MAPKAPK2: variants seen among roughly 807,000 people sequenced by gnomAD.
The protein encoded by MAPKAPK2 is MAPK activated protein kinase 2, also known as MAP kinase-activated protein kinase 2.
MAPKAPK2 carries 9 observed loss-of-function variants against 48.8 expected under a neutral mutation model. The observed-to-expected ratio is 0.18, with a 90% CI of 0.11 to 0.32. MAPKAPK2 has a LOEUF of 0.32. Among genes scored for constraint, MAPKAPK2 ranks in the 10% least tolerant of loss-of-function variants. The pLI, the probability that MAPKAPK2 is intolerant of heterozygous loss-of-function variation, is 1.00. For synonymous variants in MAPKAPK2, 202 were observed against 190.6 expected (o/e 1.06, Z -0.49); for missense variants, 331 against 498.3 (o/e 0.66, Z 3.20).
Position 206,701,830 on chromosome 1 carries a change from C to CAAAAAA in MAPKAPK2, c.279+16322_279+16323insAAAAAA, listed in dbSNP as rs1553427942. 2.4e-4 allele frequency among the ~76,000 whole-genome samples: 19 copies of CAAAAAA among 80,228 alleles called. 2 individuals carry two copies. The highest frequency in any genetic ancestry group is 3.5e-4 in the Non-Finnish European group (14 of 40,562). 52.6% of individuals were successfully genotyped at this position (80,228 alleles called of 152,430 possible). A position where few individuals can be genotyped will look rare whatever the true frequency, so the allele number is the denominator to read the frequency against. ...TGGGCAACAGAATGAGACCCTGTCT[C>CAAAAAA]TAAAAAAAAAAAAAAAAAAAAAAAA... On this transcript the variant is annotated intron_variant, in intron 1 of 9. Transcript: ENST00000367103.
chr1:206,692,644 A>G (rs184751034), intron 1 of MAPKAPK2, among the ~76,000 whole-genome samples: 1 of 152,362 alleles, frequency 6.6e-6, no homozygotes, highest in East Asian at 1.9e-4. Flanking sequence ...GTGTGCCAGA[A>G]TGAGCTGGGA....
intron 1 of MAPKAPK2, among the ~76,000 whole-genome samples, chr1:206,692,786 C>T (rs1256961380): frequency 3.9e-5 from 6 of 152,212 alleles, no homozygotes; most frequent in South Asian, 2.1e-4. Flanking sequence ...TCTTGAGGGA[C>T]GTTTCCAAGC....
chr1:206,694,413 T>C (rs1309980894), intron 1 of MAPKAPK2, among the ~76,000 whole-genome samples: 20 of 152,358 alleles, frequency 1.3e-4, no homozygotes, highest in Admixed American at 1.1e-3. Context: ...CCAAGGCCCA[T>C]TGGCCTGTGC....
At position 206,702,850 on chromosome 1, in the gene MAPKAPK2, C is replaced by G. The variant is rs569589963; in HGVS notation, c.279+17342C>G. ...CTTGGATCTTACATTTGCTTATCTT[C>G]AGTTTTTTCTGGTAGAACTGTATTT... On this transcript the variant is annotated intron_variant, in intron 1 of 9. Transcript: ENST00000367103. 1.1e-4 allele frequency among the ~76,000 whole-genome samples: 17 copies of G among 152,312 alleles called. No homozygotes were observed. The South Asian group carries it at 3.1e-3, about 28-fold the overall frequency.
Position 206,728,859 on chromosome 1 carries a change from C to T in MAPKAPK2, c.419+10C>T. The T allele has an allele frequency of 6.2e-7, 1 of 1,613,810 alleles. No individual in the cohort carries two copies. Among genetic ancestry groups the T allele is most frequent in the Admixed American group, 1.7e-5 (1 of 59,982 alleles). On this transcript the variant is annotated intron_variant, in intron 2 of 9. Coordinates refer to ENST00000367103, the MANE Select transcript of MAPKAPK2 (RefSeq NM_032960.4). Reference sequence around the variant, plus strand: ...TGATTGTCATGGAATGGTAAGCAGCCACTGTTCTAGTCCCGGCCCAGCCTG... The same window carrying T: ...TGATTGTCATGGAATGGTAAGCAGCTACTGTTCTAGTCCCGGCCCAGCCTG...
chr1:206,712,962 TCA>T (rs58379967), intron 1 of MAPKAPK2, among the ~76,000 whole-genome samples: 2,562 of 112,264 alleles, frequency 0.023, 38 homozygotes, highest in Non-Finnish European at 0.025. Context: ...TGAGACTCCA[TCA>T]CACACACACA....
At chr1:206,691,504 T>TATATATATATATATATATATATAC (rs1424297313) in intron 1 of MAPKAPK2, among the ~76,000 whole-genome samples, 2,871 of 110,910 alleles carry the variant, frequency 0.026, 164 homozygotes, top group Non-Finnish European at 0.041. Flanking sequence ...TATATATATA[T>TATATATATATATATATATATATAC]ACACACATAC....
At position 206,697,008 on chromosome 1, in the gene MAPKAPK2, G is replaced by C. The variant is rs572164233; in HGVS notation, c.279+11500G>C. On this transcript the variant is annotated intron_variant, in intron 1 of 9. Transcript: ENST00000367103. Reference sequence around the variant, plus strand: ...TTCCCTCTACCCACTTGGATCTGCTGACTCAAGCAGGCACCTTCTATTTCT... The same window carrying C: ...TTCCCTCTACCCACTTGGATCTGCTCACTCAAGCAGGCACCTTCTATTTCT... Among the ~76,000 whole-genome samples the C allele has an allele frequency of 5.3e-5, 8 of 152,288 alleles. 1 individual carries two copies. Among genetic ancestry groups the C allele is most frequent in the African/African-American group, 1.9e-4 (8 of 41,550 alleles).
Position 206,696,252 on chromosome 1 carries a change from C to T in MAPKAPK2, c.279+10744C>T, listed in dbSNP as rs912707410. Reference sequence around the variant, plus strand: ...TGACCTGTTCTTCCTTCTTTTCCTTCCCCTTTCAAGGTGCCATTTCTGCAT... The same window carrying T: ...TGACCTGTTCTTCCTTCTTTTCCTTTCCCTTTCAAGGTGCCATTTCTGCAT... On this transcript the variant is annotated intron_variant, in intron 1 of 9. Coordinates refer to ENST00000367103, the MANE Select transcript of MAPKAPK2 (RefSeq NM_032960.4). The T allele has an allele frequency of 1.3e-5, 18 of 1,371,352 alleles. No homozygotes were observed. In the East Asian group the frequency reaches 2.3e-4, roughly 17 times the overall value. The allele number at this position is 1,371,352 out of a possible 1,614,324, so 84.9% of individuals were successfully genotyped here.
chr1:206,691,376 C>T (rs367651746), intron 1 of MAPKAPK2, among the ~76,000 whole-genome samples: 211 of 151,454 alleles, frequency 1.4e-3, no homozygotes, highest in African/African-American at 4.7e-3. Context: ...AGAGAAGGGG[C>T]CATGTCACTG....
chr1:206,722,347 G>A (rs1166463265), intron 1 of MAPKAPK2, among the ~76,000 whole-genome samples: 2 of 151,892 alleles, frequency 1.3e-5, no homozygotes, highest in African/African-American at 2.4e-5. Flanking sequence ...GCAACAGGGC[G>A]AGACTCTGTC....
chr1:206,693,026 C>T (rs1035969400), intron 1 of MAPKAPK2, among the ~76,000 whole-genome samples: 12 of 152,208 alleles, frequency 7.9e-5, no homozygotes, highest in Non-Finnish European at 1.3e-4. Context: ...AGGAGATCTA[C>T]TGACTGTCCC....
intron 1 of MAPKAPK2, among the ~76,000 whole-genome samples, chr1:206,693,387 G>A (rs1672514892): frequency 6.6e-6 from 1 of 151,524 alleles, no homozygotes. Context: ...AGCTTGGTAG[G>A]TGATTTGGGG....
At chr1:206,714,270 A>G (rs1282397873) in intron 1 of MAPKAPK2, among the ~76,000 whole-genome samples, 1 of 152,174 alleles carries the variant, frequency 6.6e-6, no homozygotes, top group Non-Finnish European at 1.5e-5. Flanking sequence ...TACTTCATAG[A>G]GGTCCAGACC....
In MAPKAPK2 at chr1:206,733,502, CT is replaced by C. The variant is rs1553433150; in HGVS notation, c.*785del. The C allele has an allele frequency of 6.6e-6, 1 of 152,244 alleles. No individual in the cohort carries two copies. The highest frequency in any genetic ancestry group is 1.5e-5 in the Non-Finnish European group (1 of 68,118). 9.4% of individuals were successfully genotyped at this position (152,244 alleles called of 1,614,324 possible). ...GATTCTGAAACAGGCCCTCTGTGGC[CT>C]GTCTCTATTAGCTGGGTTCCGGGAG... On this transcript the variant is annotated 3_prime_UTR_variant, in exon 10 of 10. Coordinates refer to ENST00000367103, the MANE Select transcript of MAPKAPK2 (RefSeq NM_032960.4).
intron 1 of MAPKAPK2, among the ~76,000 whole-genome samples, chr1:206,726,979 G>A (rs1248611582): frequency 8.6e-5 from 13 of 151,928 alleles, no homozygotes; most frequent in African/African-American, 1.7e-4. Flanking sequence ...ACTCCATCTC[G>A]GTCAGTCAGC....
At chr1:206,706,072 C>T (rs1553428517) in intron 1 of MAPKAPK2, among the ~76,000 whole-genome samples, 1 of 152,186 alleles carries the variant, frequency 6.6e-6, no homozygotes, top group Admixed American at 6.5e-5. Flanking sequence ...GAGGATTATA[C>T]ACTTCCAGTG....
intron 1 of MAPKAPK2, among the ~76,000 whole-genome samples, chr1:206,690,333 C>T (rs565574237): frequency 8.5e-5 from 13 of 152,332 alleles, no homozygotes; most frequent in African/African-American, 2.9e-4. Flanking sequence ...AAGATTGAAG[C>T]TGGGTCAGCT....
intron 1 of MAPKAPK2, among the ~76,000 whole-genome samples, chr1:206,701,967 G>C (rs1553427985): frequency 6.6e-6 from 1 of 151,640 alleles, no homozygotes; most frequent in East Asian, 1.9e-4. Flanking sequence ...TCAAGATACA[G>C]ATTCCTGGGC....
Sources: allele counts gnomAD v4.1 joint callset (sites outside exome capture counted in the v4.1 genomes callset), GRCh38; gene constraint gnomAD v4.1.1; transcripts MANE v1.5; gene names NCBI Gene and HGNC (gene_info 2026-07-23, HGNC 2026-07-21).